Variants in WNT9A observed in about 807,000 individuals in gnomAD.
WNT9A encodes the protein protein Wnt-9a.
Under a neutral mutation model 31.4 loss-of-function variants are expected in WNT9A, and 8 were observed. The observed-to-expected ratio is 0.26, with a 90% CI of 0.15 to 0.46. The LOEUF is 0.46. Ranked by LOEUF, WNT9A falls within the 20% of genes least tolerant of loss-of-function variation. The pLI is 0.99. For synonymous variants in WNT9A, 236 were observed against 220.1 expected, an observed-to-expected ratio of 1.07 and a Z score of -0.64; for missense variants, 457 against 522.9, an observed-to-expected ratio of 0.87 and a Z score of 1.23.
At position 227,942,927 on chromosome 1, in the gene WNT9A, G is replaced by T. The variant is rs1666731245; in HGVS notation, c.95+4866C>A. The stretch of plus-strand genomic sequence containing the variant: ...CCAGGCTTCTCTTGCCCAGCACACA[G>T]CCCCATGATTCCACACCTCAGGCCC... On this transcript the variant is annotated intron_variant, in intron 1 of 3. Transcript: ENST00000272164. The surrounding 1 kb of genome is among the most constrained non-coding windows in gnomAD (Gnocchi z 5.7). Among the ~76,000 whole-genome samples, 1 of 152,120 alleles carries T rather than the reference G, an allele frequency of 6.6e-6. No homozygotes were observed. The highest frequency in any genetic ancestry group is 1.5e-5 in the Non-Finnish European group (1 of 68,024).
chr1:227,940,686 G>A (rs1305389405), intron 1 of WNT9A, among the ~76,000 whole-genome samples: 1 of 152,208 alleles, frequency 6.6e-6, no homozygotes, highest in Non-Finnish European at 1.5e-5. Flanking sequence ...ACTGACCTCA[G>A]GTATCGCTAA....
intron 1 of WNT9A, among the ~76,000 whole-genome samples, chr1:227,947,369 T>C (rs1240362591): frequency 6.6e-6 from 1 of 152,164 alleles, no homozygotes; most frequent in Non-Finnish European, 1.5e-5. Context: ...GTATTTTTGT[T>C]ATTGTTAAAT....
chr1:227,939,039 C>T (rs968643139), intron 1 of WNT9A, among the ~76,000 whole-genome samples: 3 of 152,216 alleles, frequency 2.0e-5, no homozygotes, highest in African/African-American at 7.2e-5. Flanking sequence ...ACACCCATAC[C>T]TCTCAAGCCC....
At chr1:227,932,283 T>A (rs1286190500) in intron 1 of WNT9A, among the ~76,000 whole-genome samples, 3 of 152,240 alleles carry the variant, frequency 2.0e-5, no homozygotes, top group Non-Finnish European at 4.4e-5. Flanking sequence ...GAAACCACTT[T>A]CTTTGTTTAT....
rs765889724 is a variant in WNT9A, at chr1:227,924,325, G to C, written c.428C>G (p.Ala143Gly). 2 of 1,613,526 alleles carry C rather than the reference G, an allele frequency of 1.2e-6. No individual in the cohort carries two copies. The highest frequency in any genetic ancestry group is 1.7e-6 in the Non-Finnish European group (2 of 1,179,990). Residue 143 changes from alanine to glycine, a missense_variant, in exon 3 of 4, where the codon GCG becomes GGG. Transcript: ENST00000272164. ...GCAGGTACAGCGCTCCATGCGGCCC[G>C]CGCTGCACGCCTTGGCCAGTGCGTG... ...LTHALAKACS[A>G]GRMERCTCDE...
intron 1 of WNT9A, among the ~76,000 whole-genome samples, chr1:227,935,790 G>C (rs1025243197): frequency 6.6e-6 from 1 of 152,078 alleles, no homozygotes; most frequent in Non-Finnish European, 1.5e-5. Flanking sequence ...ATCTGAAGTT[G>C]CACAATATTT....
At position 227,919,686 on chromosome 1, in the gene WNT9A, TACAC is replaced by T. The variant is rs59594965; in HGVS notation, c.*1828_*1831del. 0.016 allele frequency: 2,158 copies of T among 135,806 alleles called. 56 individuals carry two copies. Among genetic ancestry groups the T allele is most frequent in the African/African-American group, 0.052 (1,971 of 37,958 alleles). The allele number at this position is 135,806 out of a possible 1,614,324, so 8.4% of individuals were successfully genotyped here. On this transcript the variant is annotated 3_prime_UTR_variant, in exon 4 of 4. Transcript: ENST00000272164. ...CACAGCCAAGCTGACCATGCCAGTA[TACAC>T]ACACACACACACACACACACACACA... is the stretch of plus-strand genomic sequence containing the variant.
intron 3 of WNT9A, 106 bp from the exon 4 acceptor site, chr1:227,922,106 G>T: frequency 6.8e-7 from 1 of 1,476,778 alleles, no homozygotes; most frequent in East Asian, 2.4e-5. Context: ...CCCCACCCAG[G>T]CCCAGGCCCT....
chr1:227,920,277 A>T lies in WNT9A; in HGVS notation c.*1241T>A, dbSNP rs1181120065. 1 of 152,148 alleles carries T rather than the reference A, an allele frequency of 6.6e-6. No individual in the cohort carries two copies. Among genetic ancestry groups the T allele is most frequent in the Non-Finnish European group, 1.5e-5 (1 of 68,034 alleles). 9.4% of individuals were successfully genotyped at this position (152,148 alleles called of 1,614,324 possible). A position where few individuals can be genotyped will look rare whatever the true frequency, so the allele number is the denominator to read the frequency against. On this transcript the variant is annotated 3_prime_UTR_variant, in exon 4 of 4. Coordinates refer to ENST00000272164, the MANE Select transcript of WNT9A (RefSeq NM_003395.4). Reference sequence around the variant, plus strand: ...CAGACGCAGCTCACTGTATTTCCTTAACTACACACATCTATCTCGATTTAG... The same window carrying T: ...CAGACGCAGCTCACTGTATTTCCTTTACTACACACATCTATCTCGATTTAG...
At position 227,926,073 on chromosome 1, in the gene WNT9A, A is replaced by C. The variant is rs1028865563; in HGVS notation, c.96-554T>G. Among the ~76,000 whole-genome samples, 5 of 151,986 alleles carry C rather than the reference A, an allele frequency of 3.3e-5. No individual in the cohort carries two copies. Among genetic ancestry groups the C allele is most frequent in the Admixed American group, 2.6e-4 (4 of 15,262 alleles). On this transcript the variant is annotated intron_variant, in intron 1 of 3. Transcript: ENST00000272164. This position sits in a 1 kb window ranked among gnomAD's most constrained non-coding sequence, Gnocchi z 5.0. ...TCCTGCAGTCTACGCATATGTCCCC[A>C]GGTTCCAGCTGGGGTCTCCCCACCT...
Position 227,928,442 on chromosome 1 carries a change from C to T in WNT9A, c.96-2923G>A, listed in dbSNP as rs903270689. ...CTGAGGCCCAAAGGCTACGCCCTTC[C>T]CTGGAGTATTCACTGAATTCTGTGC... On this transcript the variant is annotated intron_variant, in intron 1 of 3. Coordinates refer to ENST00000272164, the MANE Select transcript of WNT9A (RefSeq NM_003395.4). The surrounding 1 kb of genome is among the most constrained non-coding windows in gnomAD (Gnocchi z 4.5). 2.6e-5 allele frequency among the ~76,000 whole-genome samples: 4 copies of T among 152,186 alleles called. No individual in the cohort carries two copies. The highest frequency in any genetic ancestry group is 4.4e-5 in the Non-Finnish European group (3 of 68,018).
intron 1 of WNT9A, among the ~76,000 whole-genome samples, chr1:227,934,968 T>C (rs1666567785): frequency 6.6e-6 from 1 of 150,568 alleles, no homozygotes; most frequent in Non-Finnish European, 1.5e-5. Context: ...ACAGCCCCAG[T>C]TCACCACATA....
intron 1 of WNT9A, among the ~76,000 whole-genome samples, chr1:227,946,733 G>T (rs1223752237): frequency 6.6e-6 from 1 of 152,254 alleles, no homozygotes; most frequent in African/African-American, 2.4e-5. Flanking sequence ...GGCCCAGGCG[G>T]CCTCTCCCTG....
intron 1 of WNT9A, among the ~76,000 whole-genome samples, chr1:227,933,757 G>C (rs1433229243): frequency 6.6e-6 from 1 of 152,184 alleles, no homozygotes; most frequent in Non-Finnish European, 1.5e-5. Context: ...CAGTGGAGCA[G>C]GGTCAGGCTG....
At chr1:227,939,892 GC>G (rs1666663563) in intron 1 of WNT9A, among the ~76,000 whole-genome samples, 1 of 152,220 alleles carries the variant, frequency 6.6e-6, no homozygotes, top group Non-Finnish European at 1.5e-5. Context: ...AATCAACCCA[GC>G]CCGAGCCCAG....
At position 227,918,796 on chromosome 1, in the gene WNT9A, C is replaced by T. The variant is rs1666257290; in HGVS notation, c.*2722G>A. On this transcript the variant is annotated 3_prime_UTR_variant, in exon 4 of 4. Coordinates refer to ENST00000272164, the MANE Select transcript of WNT9A (RefSeq NM_003395.4). ...AGAGAAATCATTGCACGCACGGAGA[C>T]TCGGAGCACAGACAGGGCCCCTCCC... is the stretch of plus-strand genomic sequence containing the variant. 1 of 152,282 alleles carries T rather than the reference C, an allele frequency of 6.6e-6. No homozygotes were observed. Among genetic ancestry groups the T allele is most frequent in the African/African-American group, 2.4e-5 (1 of 41,464 alleles). The allele number at this position is 152,282 out of a possible 1,614,324, so 9.4% of individuals were successfully genotyped here. A position where few individuals can be genotyped will look rare whatever the true frequency, so the allele number is the denominator to read the frequency against.
chr1:227,922,136 G>A lies in WNT9A; in HGVS notation c.616-136C>T, dbSNP rs1666330728. Reference sequence around the variant, plus strand: ...GGCCCTGCCGGCGGGCGTCACCACTGCACATCTCACATCCAGCTCAGTCTC... The same window carrying A: ...GGCCCTGCCGGCGGGCGTCACCACTACACATCTCACATCCAGCTCAGTCTC... On this transcript the variant is annotated intron_variant, in intron 3 of 3. Coordinates refer to ENST00000272164, the MANE Select transcript of WNT9A (RefSeq NM_003395.4). 7 of 1,328,526 alleles carry A rather than the reference G, an allele frequency of 5.3e-6. No homozygotes were observed. The South Asian group carries it at 1.1e-4, about 20-fold the overall frequency. 82.3% of individuals were successfully genotyped at this position (1,328,526 alleles called of 1,614,324 possible). A position where few individuals can be genotyped will look rare whatever the true frequency, so the allele number is the denominator to read the frequency against.
chr1:227,924,462 T>C, intron 2 of WNT9A, 62 bp from the exon 3 acceptor site: 1 of 1,554,520 alleles, frequency 6.4e-7, no homozygotes, highest in South Asian at 1.2e-5. Flanking sequence ...TTCACTGTCC[T>C]GCAGCCAAAT....
rs552502207 is a variant in WNT9A, at chr1:227,921,585, C to T, written c.1031G>A (p.Arg344His). 39 of 1,613,550 alleles carry T rather than the reference C, an allele frequency of 2.4e-5. No individual in the cohort carries two copies. Among genetic ancestry groups the T allele is most frequent in the East Asian group, 1.6e-4 (7 of 44,876 alleles). Reference sequence around the variant, plus strand: ...CCTGCACTCCACATAGCAGCACCAACGCACCTGGCACTGGCAGGGCCTTGT... The same window carrying T: ...CCTGCACTCCACATAGCAGCACCAATGCACCTGGCACTGGCAGGGCCTTGT... ...VVTRPCQCQV[R>H]WCCYVECRQC... The change falls in exon 4 of 4, where the codon CGT becomes CAT. Residue 344 changes from arginine (R) to histidine (H), a missense_variant. Transcript: ENST00000272164.
Sources: allele counts gnomAD v4.1 joint callset (sites outside exome capture counted in the v4.1 genomes callset), GRCh38; gene constraint gnomAD v4.1.1; non-coding constraint Gnocchi (gnomAD v3.1); transcripts MANE v1.5; gene names NCBI Gene and HGNC (gene_info 2026-07-23, HGNC 2026-07-21).